Variants in KIAA1671 observed in about 807,000 individuals in gnomAD.
The protein encoded by KIAA1671 is KIAA1671.
Under a neutral mutation model 131.2 loss-of-function variants are expected in KIAA1671, and 52 were observed. The observed-to-expected ratio is 0.40, with a 90% CI of 0.32 to 0.50. The LOEUF is 0.50. Among genes scored for constraint, KIAA1671 ranks in the 20% least tolerant of loss-of-function variants. The pLI, the probability that KIAA1671 is intolerant of heterozygous loss-of-function variation, is 0.73. For missense variants in KIAA1671, 2,360 were observed against 2,364.2 expected (o/e 1.00, Z 0.04); for synonymous variants, 1,003 against 961.6 (o/e 1.04, Z -0.80).
At chr22:25,046,817 C>G (rs1160218810) in intron 5 of KIAA1671, among the ~76,000 whole-genome samples, 1 of 152,146 alleles carries the variant, frequency 6.6e-6, no homozygotes, top group Non-Finnish European at 1.5e-5. Flanking sequence ...ATATCAATGA[C>G]TGGGCCTCTC....
chr22:24,963,032 C>A (rs1922092917), intron 1 of KIAA1671, among the ~76,000 whole-genome samples: 1 of 152,084 alleles, frequency 6.6e-6, no homozygotes, highest in South Asian at 2.1e-4. Context: ...TTATGAGTAT[C>A]CGCAGGGGTC....
Position 25,041,214 on chromosome 22 carries a change from G to A in KIAA1671, c.4084G>A (p.Val1362Met). 6.4e-7 allele frequency: 1 copy of A among 1,551,778 alleles called. No homozygotes were observed. Among genetic ancestry groups the A allele is most frequent in the Non-Finnish European group, 8.7e-7 (1 of 1,147,014 alleles). Residue 1362 changes from valine (V) to methionine (M), a missense_variant, in exon 5 of 13, where the codon GTG becomes ATG. Physicochemically the swap from Val to Met is conservative, Grantham distance 21. Around this residue, in one of 3 missense-constraint regions of KIAA1671, gnomAD observed 1,161 missense variants for 1,204.7 expected, o/e 0.96. Transcript: ENST00000358431. ...GGAGGATCCAGGCAGTGGGGTCAGG[G>A]TGTCACCCAAATCGCCCCCCACTGA... ...GREDPGSGVRVSPKSPPTDQK... is the reference protein window; with the variant it reads ...GREDPGSGVRMSPKSPPTDQK...
intron 6 of KIAA1671, among the ~76,000 whole-genome samples, chr22:25,165,563 G>GCCACAGGGGAAC (rs1933617215): frequency 6.6e-6 from 1 of 152,182 alleles, no homozygotes; most frequent in Non-Finnish European, 1.5e-5. Flanking sequence ...AATATGGCTA[G>GCCACAGGGGAAC]TGCCACAGGG....
At chr22:24,961,119 C>T (rs1365373151) in intron 1 of KIAA1671, among the ~76,000 whole-genome samples, 1 of 152,158 alleles carries the variant, frequency 6.6e-6, no homozygotes, top group Non-Finnish European at 1.5e-5. Flanking sequence ...GGTGGTCCTC[C>T]CACCTCAGCC....
chr22:25,189,126 C>CTTTTTTTTT (rs200226589), intron 11 of KIAA1671, among the ~76,000 whole-genome samples: 192 of 114,702 alleles, frequency 1.7e-3, no homozygotes, highest in African/African-American at 3.8e-3. Context: ...CAGTCTTTTT[C>CTTTTTTTTT]TTTTTTTTTT....
intron 6 of KIAA1671, among the ~76,000 whole-genome samples, chr22:25,082,853 A>G (rs1460105554): frequency 6.6e-6 from 1 of 152,192 alleles, no homozygotes; most frequent in African/African-American, 2.4e-5. Flanking sequence ...AAAAAAACAA[A>G]AAACACCTGA....
intron 6 of KIAA1671, chr22:25,064,063 GT>G (rs1928329976): frequency 6.6e-6 from 1 of 152,124 alleles, no homozygotes; most frequent in Non-Finnish European, 1.5e-5. Flanking sequence ...TGTTTTTTGT[GT>G]TTGTTTGTTT....
intron 1 of KIAA1671, among the ~76,000 whole-genome samples, chr22:24,986,686 C>CCCACCCATCCATCCATCCAT (rs1923563151): frequency 2.2e-5 from 3 of 136,204 alleles, no homozygotes; most frequent in Admixed American, 7.5e-5. Flanking sequence ...CACCCATCCA[C>CCCACCCATCCATCCATCCAT]CCACCCATCC....
chr22:25,020,630 T>C (rs1925614291), intron 1 of KIAA1671, among the ~76,000 whole-genome samples: 1 of 151,850 alleles, frequency 6.6e-6, no homozygotes, highest in Non-Finnish European at 1.5e-5. Context: ...AAGCAGGAAG[T>C]GAGATATTGC....
chr22:25,101,426 G>C (rs1465911343), intron 6 of KIAA1671, among the ~76,000 whole-genome samples: 1 of 152,198 alleles, frequency 6.6e-6, no homozygotes, highest in Non-Finnish European at 1.5e-5. Flanking sequence ...TGAGGGTGGG[G>C]CCTGATAAAG....
intron 11 of KIAA1671, among the ~76,000 whole-genome samples, chr22:25,188,387 T>A (rs1161883922): frequency 6.6e-6 from 1 of 152,108 alleles, no homozygotes; most frequent in African/African-American, 2.4e-5. Context: ...CAGCTCTGTA[T>A]GCTGTATGTC....
chr22:25,194,611 T>C lies in KIAA1671; in HGVS notation c.*2210T>C, dbSNP rs749740207. 72 of 152,234 alleles carry C rather than the reference T, an allele frequency of 4.7e-4. 1 individual carries two copies. Among genetic ancestry groups the C allele is most frequent in the Admixed American group, 3.3e-4 (5 of 15,280 alleles). The allele number at this position is 152,234 out of a possible 1,614,324, so 9.4% of individuals were successfully genotyped here. On this transcript the variant is annotated 3_prime_UTR_variant, in exon 13 of 13. Coordinates refer to ENST00000358431, the MANE Select transcript of KIAA1671 (RefSeq NM_001145206.2). The stretch of plus-strand genomic sequence containing the variant: ...ATGAGATTGACCTGGAGATTTTTTT[T>C]CCCTAATCTCTCATACCTTAATTGG...
At chr22:25,089,367 C>T (rs140439369) in intron 6 of KIAA1671, among the ~76,000 whole-genome samples, 25 of 150,954 alleles carry the variant, frequency 1.7e-4, no homozygotes, top group African/African-American at 5.6e-4. Context: ...ATCTGCCTCC[C>T]GGGTTCAAGC....
chr22:25,108,543 T>TC (rs1242701600), intron 6 of KIAA1671, among the ~76,000 whole-genome samples: 1 of 152,190 alleles, frequency 6.6e-6, no homozygotes, highest in Non-Finnish European at 1.5e-5. Context: ...TCCTGGGACC[T>TC]AGGAGGCTGC....
intron 1 of KIAA1671, among the ~76,000 whole-genome samples, chr22:25,018,861 A>G (rs116780298): frequency 0.013 from 1,980 of 152,290 alleles, 47 homozygotes; most frequent in African/African-American, 0.046. Flanking sequence ...TACTGCTTCA[A>G]ACATTGGTGT....
At chr22:25,013,660 A>C (rs1262784786) in intron 1 of KIAA1671, 1 of 152,142 alleles carries the variant, frequency 6.6e-6, no homozygotes, top group Non-Finnish European at 1.5e-5. Context: ...TGTTGAATTG[A>C]GCTTTGGGGT....
chr22:24,998,297 C>T (rs1602055650), intron 1 of KIAA1671, among the ~76,000 whole-genome samples: 3 of 152,204 alleles, frequency 2.0e-5, no homozygotes, highest in Admixed American at 2.0e-4. Context: ...GCCTGTAGAT[C>T]CGGCTACTTG....
intron 6 of KIAA1671, among the ~76,000 whole-genome samples, chr22:25,107,629 C>T (rs1353454461): frequency 6.6e-6 from 1 of 151,876 alleles, no homozygotes; most frequent in Non-Finnish European, 1.5e-5. Flanking sequence ...TTCAAACAAT[C>T]CTCCCACCTT....
In KIAA1671 at chr22:25,177,531, T is replaced by C; in HGVS notation, c.5074+9T>C. ...GTTCAAAGACTCAACGGGTATGCCA[T>C]GACTTCTCTCCTCCTCAGATAGCAC... is the stretch of plus-strand genomic sequence containing the variant. On this transcript the variant is annotated intron_variant, in intron 9 of 12. Transcript: ENST00000358431. 3 of 1,546,436 alleles carry C rather than the reference T, an allele frequency of 1.9e-6. No individual in the cohort carries two copies. Among genetic ancestry groups the C allele is most frequent in the Non-Finnish European group, 2.6e-6 (3 of 1,142,674 alleles).
Sources: gnomAD v4.1 joint callset for allele counts (sites outside exome capture counted in the v4.1 genomes callset) on GRCh38, gnomAD v4.1.1 for gene constraint, gnomAD v4.1.1 regional missense constraint, MANE v1.5 for transcripts, NCBI Gene and HGNC (gene_info 2026-07-23, HGNC 2026-07-21) for gene names.